The following LRP1B variants were observed in gnomAD, a reference collection of about 807,000 sequenced individuals.
The protein encoded by LRP1B is low-density lipoprotein receptor-related protein 1B.
In LRP1B, 217 loss-of-function variants were observed where a neutral mutation model predicts 556.6. The ratio of observed to expected loss-of-function variants is 0.39; its 90% CI spans 0.35 to 0.44. The LOEUF (loss-of-function observed/expected upper bound fraction) is 0.44, where lower values mean the gene tolerates loss of function less well. LRP1B is among the 20% of genes least tolerant of loss of function. The pLI, the probability that LRP1B is intolerant of heterozygous loss-of-function variation, is 1.00. For missense variants in LRP1B, 5,053 were observed against 5,620.8 expected (o/e 0.90, Z 3.23); for synonymous variants, 2,047 against 1,865.8 (o/e 1.10, Z -2.50).
At chr2:140,258,514 C>G (rs1400991290) in intron 86 of LRP1B, among the ~76,000 whole-genome samples, 1 of 152,076 alleles carries the variant, frequency 6.6e-6, no homozygotes, top group Non-Finnish European at 1.5e-5. Context: ...ATAACAAGCA[C>G]TTTTTAAAAA....
chr2:141,816,458 A>G (rs1696550705), intron 1 of LRP1B, among the ~76,000 whole-genome samples: 1 of 152,142 alleles, frequency 6.6e-6, no homozygotes, highest in African/African-American at 2.4e-5. Flanking sequence ...TCAGACTCCA[A>G]GTTCTGCAGC....
chr2:140,686,500 T>C (rs1686058122), intron 41 of LRP1B, among the ~76,000 whole-genome samples: 1 of 151,810 alleles, frequency 6.6e-6, no homozygotes, highest in African/African-American at 2.4e-5. Context: ...AAATTTAAAA[T>C]AATAATCATT....
At chr2:142,088,747 G>A (rs892816576) in intron 1 of LRP1B, among the ~76,000 whole-genome samples, 1 of 152,170 alleles carries the variant, frequency 6.6e-6, no homozygotes, top group Admixed American at 6.5e-5. Flanking sequence ...AGGCTGAGGA[G>A]GGAGGAACAC....
intron 1 of LRP1B, among the ~76,000 whole-genome samples, chr2:141,845,840 C>T (rs1021933236): frequency 2.6e-5 from 4 of 151,646 alleles, no homozygotes; most frequent in African/African-American, 9.7e-5. Flanking sequence ...CTGGAAAATA[C>T]TGAAAAGAAA....
chr2:140,610,860 A>C (rs1201264295), intron 41 of LRP1B, among the ~76,000 whole-genome samples: 1 of 152,226 alleles, frequency 6.6e-6, no homozygotes, highest in African/African-American at 2.4e-5. Context: ...CGTGAGACAC[A>C]GTGCCCAGCC....
chr2:140,926,151 T>C (rs538224045), intron 20 of LRP1B, among the ~76,000 whole-genome samples: 1 of 147,304 alleles, frequency 6.8e-6, no homozygotes, highest in African/African-American at 2.6e-5. Context: ...AACTGCATTA[T>C]AATAACATAA....
chr2:142,069,975 G>C (rs1705250995), intron 1 of LRP1B, among the ~76,000 whole-genome samples: 1 of 151,664 alleles, frequency 6.6e-6, no homozygotes, highest in South Asian at 2.1e-4. Flanking sequence ...TAGTAGTCTG[G>C]AGTTATTAAG....
chr2:141,180,139 T>C (rs1640233929), intron 7 of LRP1B, among the ~76,000 whole-genome samples: 1 of 151,898 alleles, frequency 6.6e-6, no homozygotes, highest in Non-Finnish European at 1.5e-5. Flanking sequence ...TTTTGTTTGT[T>C]GTTTGGAATG....
intron 1 of LRP1B, among the ~76,000 whole-genome samples, chr2:142,030,121 G>A (rs750291807): frequency 2.0e-5 from 3 of 151,506 alleles, no homozygotes; most frequent in East Asian, 1.9e-4. Flanking sequence ...TCATATATGC[G>A]TGTATTCTAC....
intron 2 of LRP1B, among the ~76,000 whole-genome samples, chr2:141,493,501 T>G (rs775457048): frequency 6.6e-6 from 1 of 152,104 alleles, no homozygotes; most frequent in Non-Finnish European, 1.5e-5. Context: ...AATAGGCAAC[T>G]TGAGGGGAAT....
At chr2:141,150,869 T>TTGTGTGTGTGTGTGTGTGTG (rs56107003) in intron 7 of LRP1B, among the ~76,000 whole-genome samples, 90 of 138,708 alleles carry the variant, frequency 6.5e-4, no homozygotes, top group African/African-American at 2.2e-3. Flanking sequence ...TCATGCTGGT[T>TTGTGTGTGTGTGTGTGTGTG]TGTGTGTGTG....
intron 3 of LRP1B, among the ~76,000 whole-genome samples, chr2:141,271,324 GAAC>G (rs199535620): frequency 0.015 from 2,173 of 149,520 alleles, 51 homozygotes; most frequent in African/African-American, 0.049. Context: ...GAAGGGAACA[GAAC>G]AACAACATTA....
chr2:141,508,095 A>G (rs1223444677), intron 2 of LRP1B, among the ~76,000 whole-genome samples: 1 of 151,046 alleles, frequency 6.6e-6, no homozygotes, highest in Non-Finnish European at 1.5e-5. Flanking sequence ...CCCCCCCAAA[A>G]AAAAAGAAAG....
chr2:140,320,395 C>G (rs1680041221), intron 82 of LRP1B, among the ~76,000 whole-genome samples: 1 of 152,086 alleles, frequency 6.6e-6, no homozygotes, highest in Non-Finnish European at 1.5e-5. Flanking sequence ...TTGGATGTAA[C>G]CTTCAGCAGA....
chr2:140,592,493 G>A (rs1682266790), intron 43 of LRP1B, among the ~76,000 whole-genome samples: 1 of 151,500 alleles, frequency 6.6e-6, no homozygotes. Flanking sequence ...TGTCTTTGGT[G>A]ATAGCAAATG....
intron 2 of LRP1B, among the ~76,000 whole-genome samples, chr2:141,502,859 A>AG (rs1392823646): frequency 3.4e-5 from 5 of 145,558 alleles, no homozygotes; most frequent in Non-Finnish European, 7.4e-5. Flanking sequence ...CCCCGTCTCA[A>AG]AAAATAAAAA....
At chr2:141,983,232 C>T (rs947211384) in intron 1 of LRP1B, among the ~76,000 whole-genome samples, 4 of 152,086 alleles carry the variant, frequency 2.6e-5, no homozygotes, top group African/African-American at 9.7e-5. Flanking sequence ...TCTATAGATA[C>T]TTTGTCATTA....
intron 8 of LRP1B, among the ~76,000 whole-genome samples, chr2:141,061,794 C>T (rs1022114320): frequency 6.6e-6 from 1 of 151,514 alleles, no homozygotes; most frequent in African/African-American, 2.4e-5. Context: ...GCATTTTTGT[C>T]TTTGTTGTTT....
rs1159312694 is a variant in LRP1B, at chr2:140,640,396, T to C, written c.6800-38757A>G. 4.3e-3 allele frequency among the ~76,000 whole-genome samples: 320 copies of C among 73,966 alleles called. 2 individuals are homozygous for C. Among genetic ancestry groups the C allele is most frequent in the African/African-American group, 0.015 (308 of 20,300 alleles). 48.5% of individuals were successfully genotyped at this position (73,966 alleles called of 152,430 possible). Reference sequence around the variant, plus strand: ...TTGTCCTGTTTTCTTTTTTTTTTTTTTTTTTTTTTTTTTTTTTGAGATGGC... The same window carrying C: ...TTGTCCTGTTTTCTTTTTTTTTTTTCTTTTTTTTTTTTTTTTTGAGATGGC... On this transcript the variant is annotated intron_variant, in intron 41 of 90. Coordinates refer to ENST00000389484, the MANE Select transcript of LRP1B (RefSeq NM_018557.3).
Sources: allele counts gnomAD v4.1 joint callset (sites outside exome capture counted in the v4.1 genomes callset), GRCh38; gene constraint gnomAD v4.1.1; transcripts MANE v1.5; gene names NCBI Gene and HGNC (gene_info 2026-07-23, HGNC 2026-07-21).